CNBD1: variants seen among roughly 807,000 people sequenced by gnomAD.
The protein encoded by CNBD1 is cyclic nucleotide-binding domain-containing protein 1.
A neutral mutation model predicts 54.4 loss-of-function variants in CNBD1; 71 were observed. That is an observed-to-expected ratio of 1.30 (90% CI 1.08 to 1.59). The LOEUF (loss-of-function observed/expected upper bound fraction) is 1.59. Among genes scored for constraint, CNBD1 ranks in the 40% most tolerant of loss-of-function variants. The pLI is 0.00. For synonymous variants in CNBD1, 182 were observed against 170.7 expected (o/e 1.07, Z -0.51); for missense variants, 659 against 518.0 (o/e 1.27, Z -2.64).
intron 4 of CNBD1, among the ~76,000 whole-genome samples, chr8:87,135,641 T>TA (rs1358867020): frequency 6.8e-6 from 1 of 148,146 alleles, no homozygotes; most frequent in East Asian, 1.9e-4. Flanking sequence ...ATATTACATA[T>TA]TATATATCCT....
In CNBD1 at chr8:87,323,954, C is replaced by G. The variant is rs1416441371; in HGVS notation, c.1043-27731C>G. ...GGCTGTGGGTTTGCCATAGATAGCT[C>G]TTATTATTTTGAAATACGTCCCATC... On this transcript the variant is annotated intron_variant, in intron 8 of 10. Transcript: ENST00000518476. 2.6e-3 allele frequency among the ~76,000 whole-genome samples: 364 copies of G among 137,936 alleles called. 1 individual carries two copies. The highest frequency in any genetic ancestry group is 9.4e-3 in the African/African-American group (343 of 36,614). The allele number at this position is 137,936 out of a possible 152,430, so 90.5% of individuals were successfully genotyped here. A position where few individuals can be genotyped will look rare whatever the true frequency, so the allele number is the denominator to read the frequency against.
intron 4 of CNBD1, among the ~76,000 whole-genome samples, chr8:86,984,384 A>G (rs1392471846): frequency 1.3e-5 from 2 of 152,158 alleles, no homozygotes; most frequent in Non-Finnish European, 2.9e-5. Flanking sequence ...GAGCCCCAAC[A>G]CAGAGTCCCT....
chr8:87,195,821 C>T (rs993518513), intron 4 of CNBD1, among the ~76,000 whole-genome samples: 2 of 152,070 alleles, frequency 1.3e-5, no homozygotes, highest in African/African-American at 4.8e-5. Context: ...GATCTGCCTG[C>T]TTTGGCCTCC....
intron 6 of CNBD1, among the ~76,000 whole-genome samples, chr8:87,280,278 G>A (rs1808572639): frequency 6.6e-6 from 1 of 151,422 alleles, no homozygotes; most frequent in Non-Finnish European, 1.5e-5. Flanking sequence ...CTAAATCTTT[G>A]GAGAAAAATA....
intron 8 of CNBD1, among the ~76,000 whole-genome samples, chr8:87,342,353 T>G (rs61403999): frequency 0.089 from 13,549 of 152,106 alleles, 619 homozygotes; most frequent in South Asian, 0.096. Context: ...AAGAGTCTGG[T>G]GCTTCCTATT....
chr8:87,282,737 C>G (rs1388500097), intron 6 of CNBD1, among the ~76,000 whole-genome samples: 1 of 151,792 alleles, frequency 6.6e-6, no homozygotes, highest in Non-Finnish European at 1.5e-5. Context: ...ATGATTTTTG[C>G]TTTCATAATG....
At chr8:86,997,572 A>G (rs1209881068) in intron 4 of CNBD1, among the ~76,000 whole-genome samples, 1 of 152,144 alleles carries the variant, frequency 6.6e-6, no homozygotes, top group Non-Finnish European at 1.5e-5. Context: ...CTGTTTACCT[A>G]CTGGACATGA....
intron 4 of CNBD1, among the ~76,000 whole-genome samples, chr8:87,071,125 A>G (rs576131604): frequency 3.5e-4 from 53 of 152,138 alleles, no homozygotes; most frequent in Non-Finnish European, 6.3e-4. Flanking sequence ...TTGAACCAAA[A>G]TACAGTAGTC....
At chr8:87,165,783 C>CT (rs372039275) in intron 4 of CNBD1, among the ~76,000 whole-genome samples, 2 of 151,918 alleles carry the variant, frequency 1.3e-5, no homozygotes, top group East Asian at 1.9e-4. Context: ...TCTGTCTAAA[C>CT]TTTTTTATTT....
intron 8 of CNBD1, among the ~76,000 whole-genome samples, chr8:87,327,641 G>A (rs1054663381): frequency 3.3e-5 from 5 of 152,196 alleles, no homozygotes; most frequent in East Asian, 1.9e-4. Context: ...AGGTGAGGCA[G>A]TGCCTCGCCC....
chr8:87,262,487 C>T (rs998894737), intron 6 of CNBD1, among the ~76,000 whole-genome samples: 1 of 152,054 alleles, frequency 6.6e-6, no homozygotes, highest in Non-Finnish European at 1.5e-5. Context: ...TCACCTTCAC[C>T]AATGTGGGCA....
intron 10 of CNBD1, among the ~76,000 whole-genome samples, chr8:87,375,348 C>A (rs74834674): frequency 1.3e-5 from 2 of 151,654 alleles, no homozygotes. Flanking sequence ...TGGAATTTAG[C>A]ACATTTCAAA....
intron 9 of CNBD1, among the ~76,000 whole-genome samples, chr8:87,352,496 A>AAAAAG (rs60563190): frequency 2.4e-4 from 37 of 151,152 alleles, no homozygotes; most frequent in Non-Finnish European, 4.1e-4. Context: ...AAAAAAAAAA[A>AAAAAG]CTTATATGAA....
At chr8:87,097,850 G>A (rs535726364) in intron 4 of CNBD1, among the ~76,000 whole-genome samples, 1 of 152,094 alleles carries the variant, frequency 6.6e-6, no homozygotes, top group Non-Finnish European at 1.5e-5. Flanking sequence ...AATTAACTTC[G>A]TGATCTGTCA....
chr8:87,236,903 G>A lies in CNBD1; in HGVS notation c.578-16G>A. 1.9e-6 allele frequency: 3 copies of A among 1,560,786 alleles called. 1 individual carries two copies. In the South Asian group the frequency reaches 3.5e-5, roughly 18 times the overall value. Reference sequence around the variant, plus strand: ...CTGAGCACACAGTATATATTTTTTGGCTTTGTTTTTTTCAGTGGTTGCAAA... The same window carrying A: ...CTGAGCACACAGTATATATTTTTTGACTTTGTTTTTTTCAGTGGTTGCAAA... On this transcript the variant is annotated splice_polypyrimidine_tract_variant and intron_variant, in intron 5 of 10. Coordinates refer to ENST00000518476, the MANE Select transcript of CNBD1 (RefSeq NM_173538.3).
chr8:87,153,628 C>CA, intron 4 of CNBD1, among the ~76,000 whole-genome samples: 1 of 152,238 alleles, frequency 6.6e-6, no homozygotes, highest in East Asian at 1.9e-4. Flanking sequence ...ATACTTAAAG[C>CA]CTGTATGAGA....
At chr8:87,291,846 G>T (rs1316003614) in intron 8 of CNBD1, among the ~76,000 whole-genome samples, 1 of 152,008 alleles carries the variant, frequency 6.6e-6, no homozygotes, top group Non-Finnish European at 1.5e-5. Flanking sequence ...GGGTCAATTT[G>T]TCCACTAGAC....
chr8:87,197,544 G>A (rs1313843645), intron 4 of CNBD1, among the ~76,000 whole-genome samples: 3 of 152,122 alleles, frequency 2.0e-5, no homozygotes. Context: ...AACAGGAGGT[G>A]AAATGGGTGT....
intron 5 of CNBD1, among the ~76,000 whole-genome samples, chr8:87,234,790 C>T (rs1807538376): frequency 6.6e-6 from 1 of 152,134 alleles, no homozygotes; most frequent in East Asian, 1.9e-4. Context: ...CCATCACGAG[C>T]TGTATGTCAT....
Sources: gnomAD v4.1 joint callset for allele counts (sites outside exome capture counted in the v4.1 genomes callset) on GRCh38, gnomAD v4.1.1 for gene constraint, MANE v1.5 for transcripts, NCBI Gene and HGNC (gene_info 2026-07-23, HGNC 2026-07-21) for gene names.